Variants in ST8SIA6 observed in about 807,000 individuals in gnomAD.
ST8SIA6 encodes the protein ST8 alpha-N-acetyl-neuraminide alpha-2,8-sialyltransferase 6.
A neutral mutation model predicts 33.6 loss-of-function variants in ST8SIA6; 39 were observed. The observed-to-expected ratio is 1.16, with a 90% CI of 0.90 to 1.52. The LOEUF is 1.52. Ranked by LOEUF, ST8SIA6 falls within the 40% of genes most tolerant of loss-of-function variation. The probability of loss-of-function intolerance (pLI) is 0.00; values close to 1 mark genes in which losing one functional copy is unlikely to be tolerated. For missense variants in ST8SIA6, 441 were observed against 443.8 expected (o/e 0.99, Z 0.06); for synonymous variants, 172 against 167.2 (o/e 1.03, Z -0.22).
intron 5 of ST8SIA6, among the ~76,000 whole-genome samples, chr10:17,330,825 C>T (rs1438288901): frequency 1.3e-5 from 2 of 152,162 alleles, no homozygotes; most frequent in Non-Finnish European, 2.9e-5. Context: ...TTTCTCCTAA[C>T]TGTGTGAAGT....
At chr10:17,442,924 A>C (rs1217919584) in intron 2 of ST8SIA6, among the ~76,000 whole-genome samples, 1 of 152,214 alleles carries the variant, frequency 6.6e-6, no homozygotes, top group Admixed American at 6.5e-5. Flanking sequence ...CTCAAATCCC[A>C]AAAAGCTGCT....
intron 2 of ST8SIA6, among the ~76,000 whole-genome samples, chr10:17,448,610 C>G (rs11592794): frequency 0.27 from 32,696 of 120,378 alleles, 6,268 homozygotes; most frequent in African/African-American, 0.61. Flanking sequence ...TGTTGTTGTT[C>G]TTGTTGTTGT....
At chr10:17,424,836 C>T (rs1051318119) in intron 2 of ST8SIA6, among the ~76,000 whole-genome samples, 8 of 151,602 alleles carry the variant, frequency 5.3e-5, no homozygotes, top group African/African-American at 1.9e-4. Flanking sequence ...CAGGTTCAAG[C>T]GATTCTCATG....
chr10:17,318,038 T>C lies in ST8SIA6; in HGVS notation c.*2840A>G, dbSNP rs926106179. 6.6e-6 allele frequency among the ~76,000 whole-genome samples: 1 copy of C among 152,202 alleles called. No individual in the cohort carries two copies. Among genetic ancestry groups the C allele is most frequent in the Non-Finnish European group, 1.5e-5 (1 of 68,032 alleles). ...GAGTACTATGGACTATATACTTAAA[T>C]GAATATTTCTGCCTTGCCTTTGGAT... On this transcript the variant is annotated 3_prime_UTR_variant, in exon 8 of 8. Transcript: ENST00000377602.
At chr10:17,380,823 T>C in intron 3 of ST8SIA6, among the ~76,000 whole-genome samples, 1 of 141,708 alleles carries the variant, frequency 7.1e-6, no homozygotes, top group East Asian at 2.7e-4. Flanking sequence ...ATGTGTACGT[T>C]TGTGTGTTTG....
At chr10:17,376,231 G>T (rs563578453) in intron 3 of ST8SIA6, among the ~76,000 whole-genome samples, 2 of 152,288 alleles carry the variant, frequency 1.3e-5, no homozygotes, top group Non-Finnish European at 2.9e-5. Context: ...CAGCAAGATG[G>T]TTGAAAATGG....
In ST8SIA6 at chr10:17,319,816, A is replaced by G. The variant is rs1006777284; in HGVS notation, c.*1062T>C. On this transcript the variant is annotated 3_prime_UTR_variant, in exon 8 of 8. Transcript: ENST00000377602. ...TCAATTACATATTTCTAATATCATC[A>G]ATGGTTTCAGGCATCCACAGGGGGT... 1 of 152,160 alleles carries G rather than the reference A, an allele frequency of 6.6e-6. No homozygotes were observed. The highest frequency in any genetic ancestry group is 1.5e-5 in the Non-Finnish European group (1 of 68,018). The allele number at this position is 152,160 out of a possible 1,614,324, so 9.4% of individuals were successfully genotyped here. A position where few individuals can be genotyped will look rare whatever the true frequency, so the allele number is the denominator to read the frequency against.
In ST8SIA6 at chr10:17,400,556, C is replaced by G. The variant is rs548943630; in HGVS notation, c.201-9936G>C. 3.3e-5 allele frequency among the ~76,000 whole-genome samples: 5 copies of G among 152,156 alleles called. No individual in the cohort carries two copies. The South Asian group carries it at 1.0e-3, about 32-fold the overall frequency. ...AAAATAAAATCCTGGCAAACCAAAT[C>G]CAGCACATCAAAAAGCTTATCCACC... On this transcript the variant is annotated intron_variant, in intron 2 of 7. Transcript: ENST00000377602.
intron 3 of ST8SIA6, among the ~76,000 whole-genome samples, chr10:17,377,378 C>A (rs1469137301): frequency 6.6e-6 from 1 of 152,152 alleles, no homozygotes; most frequent in African/African-American, 2.4e-5. Context: ...GTTTGGTGGT[C>A]TCTTCACATG....
chr10:17,454,570 C>G lies in ST8SIA6; in HGVS notation c.-315G>C, dbSNP rs1220730055. Among the ~76,000 whole-genome samples, 5 of 152,012 alleles carry G rather than the reference C, an allele frequency of 3.3e-5. No individual in the cohort carries two copies. In the East Asian group the frequency reaches 5.8e-4, roughly 18 times the overall value. Reference sequence around the variant, plus strand: ...CGGAGGCGCTCGGAGCTGCTGCGGGCTCCGGTCGCCGCTGCCACTGCTGCT... The same window carrying G: ...CGGAGGCGCTCGGAGCTGCTGCGGGGTCCGGTCGCCGCTGCCACTGCTGCT... On this transcript the variant is annotated 5_prime_UTR_variant, in exon 1 of 8. Transcript: ENST00000377602. The surrounding 1 kb of genome is among the most constrained non-coding windows in gnomAD (Gnocchi z 4.1).
intron 6 of ST8SIA6, among the ~76,000 whole-genome samples, chr10:17,326,711 C>T (rs534101324): frequency 6.6e-6 from 1 of 152,160 alleles, no homozygotes; most frequent in Non-Finnish European, 1.5e-5. Context: ...TGGAGTCCTC[C>T]CAAGGTAGCC....
intron 4 of ST8SIA6, among the ~76,000 whole-genome samples, chr10:17,343,830 A>G (rs1848749932): frequency 6.6e-6 from 1 of 152,246 alleles, no homozygotes; most frequent in African/African-American, 2.4e-5. Flanking sequence ...AGGAGCATAA[A>G]AAGGGAAACG....
At chr10:17,397,248 T>TA (rs1287076916) in intron 2 of ST8SIA6, among the ~76,000 whole-genome samples, 16 of 149,884 alleles carry the variant, frequency 1.1e-4, no homozygotes, top group Non-Finnish European at 2.2e-4. Context: ...TTTTTTTTTT[T>TA]TTGAGACGAA....
chr10:17,421,265 G>C (rs1347827792), intron 2 of ST8SIA6, among the ~76,000 whole-genome samples: 1 of 152,192 alleles, frequency 6.6e-6, no homozygotes, highest in Non-Finnish European at 1.5e-5. Flanking sequence ...TGTTGCAACT[G>C]CATTAGGATC....
rs943454348 is a variant in ST8SIA6 at position 17,315,523 on chromosome 10, C to T, written c.*5355G>A. Reference sequence around the variant, plus strand: ...AGCCAACTGTGGTCCATCCATATAACATAATTCTACTCAGTAAATAAAGGC... The same window carrying T: ...AGCCAACTGTGGTCCATCCATATAATATAATTCTACTCAGTAAATAAAGGC... On this transcript the variant is annotated 3_prime_UTR_variant, in exon 8 of 8. Transcript: ENST00000377602. Among the ~76,000 whole-genome samples the T allele has an allele frequency of 6.6e-6, 1 of 151,982 alleles. No individual in the cohort carries two copies. Among genetic ancestry groups the T allele is most frequent in the Non-Finnish European group, 1.5e-5 (1 of 67,880 alleles).
chr10:17,403,020 C>G (rs1483162616), intron 2 of ST8SIA6, among the ~76,000 whole-genome samples: 1 of 152,154 alleles, frequency 6.6e-6, no homozygotes, highest in Non-Finnish European at 1.5e-5. Flanking sequence ...ACACCATGAA[C>G]ACTATCACTG....
At chr10:17,423,706 C>G (rs1448652483) in intron 2 of ST8SIA6, among the ~76,000 whole-genome samples, 1 of 152,170 alleles carries the variant, frequency 6.6e-6, no homozygotes, top group East Asian at 1.9e-4. Flanking sequence ...CCCCTCCCAC[C>G]CCTTTGTACT....
intron 3 of ST8SIA6, among the ~76,000 whole-genome samples, chr10:17,376,834 A>T (rs1849931243): frequency 6.6e-6 from 1 of 152,224 alleles, no homozygotes; most frequent in African/African-American, 2.4e-5. Context: ...AGGGAAGAGG[A>T]TGGGGTAGAA....
intron 2 of ST8SIA6, among the ~76,000 whole-genome samples, chr10:17,440,426 G>A (rs1325237182): frequency 2.6e-5 from 4 of 151,866 alleles, no homozygotes; most frequent in Non-Finnish European, 4.4e-5. Context: ...GGATGGTCTC[G>A]AACTCCTGAC....
Sources: allele counts gnomAD v4.1 joint callset (sites outside exome capture counted in the v4.1 genomes callset), GRCh38; gene constraint gnomAD v4.1.1; non-coding constraint Gnocchi (gnomAD v3.1); transcripts MANE v1.5; gene names NCBI Gene and HGNC (gene_info 2026-07-23, HGNC 2026-07-21).